ZSCAN5A: variants seen among roughly 807,000 people sequenced by gnomAD.
The protein encoded by ZSCAN5A is zinc finger and SCAN domain containing 5A, also known as zinc finger and SCAN domain-containing protein 5A.
Under a neutral mutation model 23.7 loss-of-function variants are expected in ZSCAN5A, and 12 were observed. The ratio of observed to expected loss-of-function variants is 0.51; its 90% CI spans 0.32 to 0.82. ZSCAN5A has a LOEUF of 0.82. ZSCAN5A is among the 40% of genes least tolerant of loss of function. ZSCAN5A has a pLI of 0.03. For missense variants in ZSCAN5A, 597 were observed against 617.9 expected (o/e 0.97, Z 0.36); for synonymous variants, 257 against 239.9 (o/e 1.07, Z -0.66).
intron 2 of ZSCAN5A, among the ~76,000 whole-genome samples, chr19:56,341,915 A>T (rs1427137701): frequency 1.3e-5 from 2 of 152,082 alleles, no homozygotes; most frequent in Non-Finnish European, 2.9e-5. Context: ...GGGAGAGAAA[A>T]CCAAAACCCG....
At chr19:56,366,873 C>T (rs1001899447) in intron 1 of ZSCAN5A, among the ~76,000 whole-genome samples, 10 of 152,124 alleles carry the variant, frequency 6.6e-5, no homozygotes, top group Admixed American at 2.6e-4. Flanking sequence ...TACTAAAGAC[C>T]TATCATGCGG....
intron 2 of ZSCAN5A, among the ~76,000 whole-genome samples, chr19:56,334,987 A>G (rs1033430189): frequency 6.6e-6 from 1 of 152,208 alleles, no homozygotes; most frequent in East Asian, 1.9e-4. Context: ...ACGGATAAAA[A>G]CAAACTTCAC....
chr19:56,362,426 G>A (rs555614334), intron 2 of ZSCAN5A, among the ~76,000 whole-genome samples: 15 of 152,072 alleles, frequency 9.9e-5, no homozygotes, highest in Admixed American at 3.3e-4. Context: ...AGAATCAGCC[G>A]GGCATGGAGG....
rs1195118580 is a variant in ZSCAN5A at position 56,352,963 on chromosome 19, G to A, written c.-358+10272C>T. Among the ~76,000 whole-genome samples, 1 of 152,188 alleles carries A rather than the reference G, an allele frequency of 6.6e-6. No homozygotes were observed. Among genetic ancestry groups the A allele is most frequent in the Admixed American group, 6.5e-5 (1 of 15,286 alleles). ...ACATAATACATTTTCAGGGGGAAGA[G>A]GGCTGTCCTGTGCATTGTAGGATGT... On this transcript the variant is annotated intron_variant, in intron 2 of 6. Coordinates refer to the ZSCAN5A transcript ENST00000587340. The surrounding 1 kb of genome is among the most constrained non-coding windows in gnomAD (Gnocchi z 4.2).
At chr19:56,305,412 A>G (rs1277177909) in intron 2 of ZSCAN5A, among the ~76,000 whole-genome samples, 2 of 152,180 alleles carry the variant, frequency 1.3e-5, no homozygotes, top group Non-Finnish European at 2.9e-5. Flanking sequence ...ACCTTGTATC[A>G]GGACTGTATT....
chr19:56,237,932 T>G (rs904659267), intron 2 of ZSCAN5A, among the ~76,000 whole-genome samples: 1 of 141,122 alleles, frequency 7.1e-6, no homozygotes, highest in African/African-American at 2.8e-5. Context: ...TAAAAAAAAT[T>G]TAAAAAATGA....
In ZSCAN5A at chr19:56,221,384, G is replaced by C. The variant is rs946963745; in HGVS notation, c.*191C>G. 22 of 575,062 alleles carry C rather than the reference G, an allele frequency of 3.8e-5. No individual in the cohort carries two copies. The African/African-American group carries it at 3.9e-4, about 10-fold the overall frequency. 35.6% of individuals were successfully genotyped at this position (575,062 alleles called of 1,614,324 possible). ...AAAATAAACCTATAAGAAAACAATG[G>C]ACATAATGAAACAGAAAACAAAGCT... On this transcript the variant is annotated 3_prime_UTR_variant, in exon 6 of 6. Coordinates refer to ENST00000683990, the MANE Select transcript of ZSCAN5A (RefSeq NM_001322064.3).
At chr19:56,333,836 C>T (rs2041511026) in intron 2 of ZSCAN5A, among the ~76,000 whole-genome samples, 1 of 151,190 alleles carries the variant, frequency 6.6e-6, no homozygotes, top group Non-Finnish European at 1.5e-5. Context: ...TCTAGGGAGA[C>T]AGGGGAAAGG....
intron 2 of ZSCAN5A, chr19:56,342,449 A>C (rs1425721904): frequency 2.6e-6 from 1 of 387,710 alleles, no homozygotes; most frequent in African/African-American, 2.1e-5. Context: ...TTCTTGGGTT[A>C]AGCTCTGGAG....
intron 2 of ZSCAN5A, chr19:56,304,877 T>G (rs1600244388): frequency 1.2e-6 from 1 of 802,606 alleles, no homozygotes; most frequent in African/African-American, 1.9e-5. Context: ...TGGGGTGGGG[T>G]TAGGGGAGGT....
chr19:56,352,106 GTTTC>G lies in ZSCAN5A; in HGVS notation c.-358+11125_-358+11128del, dbSNP rs2041671270. On this transcript the variant is annotated intron_variant, in intron 2 of 6. Transcript: ENST00000587340. This position sits in a 1 kb window ranked among gnomAD's most constrained non-coding sequence, Gnocchi z 4.2. ...TAGTGTGGGGTTTTTTTGTTTGTTT[GTTTC>G]TTTGTTTTTGAGACGGAATCTCGCT... is the stretch of plus-strand genomic sequence containing the variant. Among the ~76,000 whole-genome samples the G allele has an allele frequency of 6.6e-6, 1 of 152,002 alleles. No homozygotes were observed. The highest frequency in any genetic ancestry group is 6.5e-5 in the Admixed American group (1 of 15,274).
intron 2 of ZSCAN5A, among the ~76,000 whole-genome samples, chr19:56,357,255 A>C (rs997769279): frequency 3.4e-5 from 5 of 148,558 alleles, no homozygotes; most frequent in Admixed American, 2.7e-4. Context: ...ATAATAAAAC[A>C]TATCACTGCT....
intron 2 of ZSCAN5A, among the ~76,000 whole-genome samples, chr19:56,309,650 C>A (rs1262699542): frequency 6.6e-6 from 1 of 152,212 alleles, no homozygotes; most frequent in Non-Finnish European, 1.5e-5. Context: ...AGGTTCTCTT[C>A]CTGCAACTCT....
rs1420840671 is a variant in ZSCAN5A at position 56,351,644 on chromosome 19, CAT to C, written c.-358+11589_-358+11590del. ...CTTTTCACTCCTTAAAACTACTCCA[CAT>C]GTGTCCATGTCGTTAATCCTATCAG... On this transcript the variant is annotated intron_variant, in intron 2 of 6. Transcript: ENST00000587340. The surrounding 1 kb of genome is among the most constrained non-coding windows in gnomAD (Gnocchi z 4.8). Among the ~76,000 whole-genome samples, 1 of 152,182 alleles carries C rather than the reference CAT, an allele frequency of 6.6e-6. No individual in the cohort carries two copies. The highest frequency in any genetic ancestry group is 1.5e-5 in the Non-Finnish European group (1 of 68,038).
chr19:56,231,326 CATT>C (rs1600018627), intron 2 of ZSCAN5A, among the ~76,000 whole-genome samples: 1 of 152,154 alleles, frequency 6.6e-6, no homozygotes, highest in South Asian at 2.1e-4. Context: ...TGTATCAAAA[CATT>C]ATGTTGTACA....
chr19:56,261,509 T>C (rs949501640), intron 2 of ZSCAN5A, among the ~76,000 whole-genome samples: 4 of 152,328 alleles, frequency 2.6e-5, no homozygotes, highest in African/African-American at 9.6e-5. Context: ...AACCCTGTTA[T>C]CTGTCCAGTA....
chr19:56,341,717 A>AC (rs1443680532), intron 2 of ZSCAN5A, among the ~76,000 whole-genome samples: 1 of 150,872 alleles, frequency 6.6e-6, no homozygotes, highest in Admixed American at 6.6e-5. Flanking sequence ...AAAAAAAAAA[A>AC]AAAAAAAAAA....
intron 2 of ZSCAN5A, chr19:56,304,697 A>T: frequency 2.8e-6 from 2 of 702,438 alleles, no homozygotes; most frequent in South Asian, 1.3e-4. Flanking sequence ...GAAAGAAGCG[A>T]GAGGGGGATG....
In ZSCAN5A at chr19:56,222,332, A is replaced by G; in HGVS notation, c.740-6T>C. 1 of 1,609,700 alleles carries G rather than the reference A, an allele frequency of 6.2e-7. No individual in the cohort carries two copies. The highest frequency in any genetic ancestry group is 8.5e-7 in the Non-Finnish European group (1 of 1,179,308). ...CTTTGCTCTCACCAGATCTGCTGGA[A>G]GAAGGGATTCCACACACACAGTTAA... On this transcript the variant is annotated splice_polypyrimidine_tract_variant and splice_region_variant and intron_variant, in intron 5 of 5. Coordinates refer to ENST00000683990, the MANE Select transcript of ZSCAN5A (RefSeq NM_001322064.3).
Sources: gnomAD v4.1 joint callset for allele counts (sites outside exome capture counted in the v4.1 genomes callset) on GRCh38, gnomAD v4.1.1 for gene constraint, Gnocchi (gnomAD v3.1) non-coding constraint, MANE v1.5 for transcripts, NCBI Gene and HGNC (gene_info 2026-07-23, HGNC 2026-07-21) for gene names.